The following NCALD variants were observed in gnomAD, a reference collection of about 807,000 sequenced individuals.
NCALD encodes the protein neurocalcin delta, also known as neurocalcin-delta.
NCALD carries 10 observed loss-of-function variants against 18.6 expected under a neutral mutation model. The ratio of observed to expected loss-of-function variants is 0.54; its 90% CI spans 0.33 to 0.91. NCALD has a LOEUF of 0.91. Among genes scored for constraint, NCALD ranks in the 40% least tolerant of loss-of-function variants. The pLI is 0.03. For missense variants in NCALD, 184 were observed against 247.6 expected, an observed-to-expected ratio of 0.74 and a Z score of 1.72; for synonymous variants, 88 against 87.4, an observed-to-expected ratio of 1.01 and a Z score of -0.04.
chr8:101,872,556 TCCAATCGCTCAAG>T (rs1816063623), intron 4 of NCALD: 1 of 637,416 alleles, frequency 1.6e-6, no homozygotes, highest in Non-Finnish European at 2.9e-6. Context: ...GCATCTTGTT[TCCAATCGCTCAAG>T]CCAATCGTGC....
At chr8:101,779,618 G>A (rs559294211) in intron 1 of NCALD, among the ~76,000 whole-genome samples, 3 of 152,110 alleles carry the variant, frequency 2.0e-5, no homozygotes, top group East Asian at 1.9e-4. Flanking sequence ...AGTGGTTTAC[G>A]ACTTCATGAA....
At position 101,709,148 on chromosome 8, in the gene NCALD, C is replaced by T. The variant is rs78994936; in HGVS notation, c.378+10104G>A. Among the ~76,000 whole-genome samples, 1,493 of 152,324 alleles carry T rather than the reference C, an allele frequency of 9.8e-3. 14 individuals carry two copies. Among genetic ancestry groups the T allele is most frequent in the South Asian group, 0.013 (65 of 4,824 alleles). ...CTCACAGGCCCCATTACAGAATTTT[C>T]GAGAGTTTAAATACCCGCTAGAGGA... On this transcript the variant is annotated intron_variant, in intron 2 of 3. Coordinates refer to ENST00000220931, the MANE Select transcript of NCALD (RefSeq NM_032041.3).
At chr8:101,788,081 C>A (rs908104317) in intron 1 of NCALD, among the ~76,000 whole-genome samples, 3 of 152,188 alleles carry the variant, frequency 2.0e-5, no homozygotes, top group African/African-American at 7.2e-5. Flanking sequence ...AATTTGGTAG[C>A]TATGTGAACA....
intron 3 of NCALD, among the ~76,000 whole-genome samples, chr8:101,896,721 T>C (rs1175608591): frequency 7.0e-6 from 1 of 142,052 alleles, no homozygotes; most frequent in Non-Finnish European, 1.5e-5. Flanking sequence ...GAACAGACGC[T>C]TCTCAAAAGA....
rs1814573198 is a variant in NCALD, at chr8:101,688,769, C to A, written c.*540G>T. On this transcript the variant is annotated 3_prime_UTR_variant, in exon 4 of 4. Transcript: ENST00000220931. The stretch of plus-strand genomic sequence containing the variant: ...TTCACAGCTTAGAAACTACAGCCTG[C>A]TGGGGAAGAGAGGGGAGTGGGCCCC... 1.7e-6 allele frequency: 1 copy of A among 576,242 alleles called. No individual in the cohort carries two copies. The highest frequency in any genetic ancestry group is 3.3e-6 in the Non-Finnish European group (1 of 305,668). 35.7% of individuals were successfully genotyped at this position (576,242 alleles called of 1,614,324 possible).
intron 1 of NCALD, among the ~76,000 whole-genome samples, chr8:102,049,489 T>C (rs995914884): frequency 1.3e-5 from 2 of 152,340 alleles, no homozygotes; most frequent in South Asian, 4.1e-4. Flanking sequence ...ATAAGCAACG[T>C]TGCTGTAAAC....
At chr8:101,935,837 A>C (rs896378196) in intron 2 of NCALD, among the ~76,000 whole-genome samples, 2 of 140,846 alleles carry the variant, frequency 1.4e-5, no homozygotes, top group African/African-American at 5.4e-5. Flanking sequence ...ATGTAAGATG[A>C]TGGAAATGAT....
intron 4 of NCALD, among the ~76,000 whole-genome samples, chr8:101,877,314 G>A (rs1243446747): frequency 6.6e-6 from 1 of 152,172 alleles, no homozygotes; most frequent in Non-Finnish European, 1.5e-5. Context: ...GTTGCTTAGG[G>A]TGAGCTGCTA....
chr8:101,920,135 T>C (rs1818112146), intron 2 of NCALD, among the ~76,000 whole-genome samples: 1 of 152,084 alleles, frequency 6.6e-6, no homozygotes, highest in Middle Eastern at 3.2e-3. Context: ...TGCATGCCTG[T>C]AGTCCCAACT....
At chr8:101,735,532 G>A (rs1817038843) in intron 1 of NCALD, among the ~76,000 whole-genome samples, 1 of 152,088 alleles carries the variant, frequency 6.6e-6, no homozygotes, top group African/African-American at 2.4e-5. Context: ...AAAAATGCAG[G>A]ATATCCAGTT....
chr8:101,713,689 G>A (rs1815923950), intron 2 of NCALD, among the ~76,000 whole-genome samples: 1 of 152,052 alleles, frequency 6.6e-6, no homozygotes, highest in Non-Finnish European at 1.5e-5. Context: ...AGAAGAAATG[G>A]ATAAATTCCT....
At chr8:102,062,375 G>C (rs748043846) in intron 1 of NCALD, among the ~76,000 whole-genome samples, 2 of 152,210 alleles carry the variant, frequency 1.3e-5, no homozygotes, top group Non-Finnish European at 2.9e-5. Flanking sequence ...GCTTTCATCA[G>C]ATAAATAGTC....
chr8:101,997,746 G>A (rs994070391), intron 2 of NCALD, among the ~76,000 whole-genome samples: 6 of 152,090 alleles, frequency 3.9e-5, no homozygotes, highest in African/African-American at 1.4e-4. Flanking sequence ...AATGATCCTG[G>A]GACCAGGTTT....
At chr8:101,979,001 A>G (rs904181713) in intron 2 of NCALD, among the ~76,000 whole-genome samples, 3 of 152,226 alleles carry the variant, frequency 2.0e-5, no homozygotes, top group Admixed American at 6.5e-5. Context: ...AATGAACAAG[A>G]TGGGGAGCAA....
chr8:101,999,519 G>A (rs1280469183), intron 2 of NCALD, among the ~76,000 whole-genome samples: 2 of 152,138 alleles, frequency 1.3e-5, no homozygotes, highest in Non-Finnish European at 2.9e-5. Flanking sequence ...GGACTCGGGG[G>A]AAAGGGTAGG....
intron 4 of NCALD, among the ~76,000 whole-genome samples, chr8:101,814,087 G>A (rs1054110001): frequency 1.3e-5 from 2 of 151,990 alleles, no homozygotes; most frequent in Non-Finnish European, 2.9e-5. Context: ...AACATTTAAG[G>A]AAGAAGTTAT....
intron 1 of NCALD, among the ~76,000 whole-genome samples, chr8:102,095,078 T>C (rs1007502050): frequency 2.0e-5 from 3 of 152,252 alleles, no homozygotes; most frequent in Non-Finnish European, 4.4e-5. Context: ...AAAAGTTAGC[T>C]TGGACTTCAG....
intron 1 of NCALD, among the ~76,000 whole-genome samples, chr8:101,726,111 G>C (rs983018046): frequency 6.6e-6 from 1 of 152,302 alleles, no homozygotes; most frequent in South Asian, 2.1e-4. Flanking sequence ...CCAGGATGTG[G>C]CTGGAGTGGA....
In NCALD at chr8:101,689,353, C is replaced by T; in HGVS notation, c.538G>A (p.Val180Met). 1.9e-6 allele frequency: 3 copies of T among 1,613,492 alleles called. No individual in the cohort carries two copies. Among genetic ancestry groups the T allele is most frequent in the Non-Finnish European group, 2.5e-6 (3 of 1,179,778 alleles). The change falls in exon 4 of 4, where the codon GTG (valine) becomes ATG (methionine). Residue 180 changes from valine to methionine, a missense_variant. Transcript: ENST00000220931. This position sits in a 1 kb window ranked among gnomAD's most constrained non-coding sequence, Gnocchi z 4.4. ...IRGAKSDPSI[V>M]RLLQCDPSSA... ...CTCGGGTCGCACTGCAGGAGGCGCACAATGGACGGGTCGCTTTTGGCTCCT... is the reference window on the plus strand; with the variant it reads ...CTCGGGTCGCACTGCAGGAGGCGCATAATGGACGGGTCGCTTTTGGCTCCT...
Sources: gnomAD v4.1 joint callset for allele counts (sites outside exome capture counted in the v4.1 genomes callset) on GRCh38, gnomAD v4.1.1 for gene constraint, Gnocchi (gnomAD v3.1) non-coding constraint, MANE v1.5 for transcripts, NCBI Gene and HGNC (gene_info 2026-07-23, HGNC 2026-07-21) for gene names.